MORN1: variants seen among roughly 807,000 people sequenced by gnomAD.
The protein encoded by MORN1 is MORN repeat-containing protein 1.
In MORN1, 67 loss-of-function variants were observed where a neutral mutation model predicts 61.9. The observed-to-expected ratio is 1.08, with a 90% CI of 0.89 to 1.33. The LOEUF (loss-of-function observed/expected upper bound fraction) is 1.33. MORN1 is among the 40% of genes most tolerant of loss of function. The pLI is 0.00. For missense variants in MORN1, 752 were observed against 691.2 expected (o/e 1.09, Z -0.99); for synonymous variants, 301 against 292.0 (o/e 1.03, Z -0.31).
chr1:2,339,046 C>T (rs908649269), intron 10 of MORN1, among the ~76,000 whole-genome samples: 9 of 152,302 alleles, frequency 5.9e-5, no homozygotes, highest in South Asian at 2.1e-4. Flanking sequence ...GTGGGGTCCC[C>T]TGGAGGTGCA....
intron 8 of MORN1, among the ~76,000 whole-genome samples, chr1:2,363,897 A>C (rs545808758): frequency 4.2e-4 from 64 of 151,946 alleles, no homozygotes; most frequent in African/African-American, 1.5e-3. Context: ...ATAGATATAG[A>C]GGGGAAACAA....
At chr1:2,385,246 G>A (rs929631736) in intron 5 of MORN1, 181 bp from the exon 6 acceptor site, 7 of 621,234 alleles carry the variant, frequency 1.1e-5, no homozygotes, top group African/African-American at 1.1e-4. Flanking sequence ...ACGACAGGCG[G>A]TGGGGACACG....
intron 6 of MORN1, among the ~76,000 whole-genome samples, chr1:2,381,632 C>T (rs761332603): frequency 4.6e-5 from 7 of 152,150 alleles, no homozygotes; most frequent in Non-Finnish European, 7.4e-5. Context: ...GTAGGTCACG[C>T]GAAGGGTTTG....
intron 10 of MORN1, among the ~76,000 whole-genome samples, chr1:2,349,985 G>A (rs574034518): frequency 1.3e-4 from 20 of 152,302 alleles, no homozygotes; most frequent in African/African-American, 2.4e-4. Context: ...TGTTTGAGGC[G>A]CTGGGGCCCA....
intron 8 of MORN1, among the ~76,000 whole-genome samples, chr1:2,364,864 T>C (rs1641966682): frequency 6.6e-6 from 1 of 152,132 alleles, no homozygotes; most frequent in African/African-American, 2.4e-5. Flanking sequence ...AAAGATCAGA[T>C]AGTTGTAGAT....
chr1:2,358,284 G>A (rs531512143), intron 9 of MORN1, among the ~76,000 whole-genome samples: 11 of 152,192 alleles, frequency 7.2e-5, no homozygotes, highest in African/African-American at 2.6e-4. Flanking sequence ...AGGAGCACCC[G>A]AGGGCCGGAG....
At position 2,322,040 on chromosome 1, in the gene MORN1, G is replaced by A. The variant is rs905291571; in HGVS notation, c.1298-461C>T. 39 of 985,376 alleles carry A rather than the reference G, an allele frequency of 4.0e-5. No individual in the cohort carries two copies. The East Asian group carries it at 2.5e-3, about 63-fold the overall frequency. The allele number at this position is 985,376 out of a possible 1,614,324, so 61.0% of individuals were successfully genotyped here. A position where few individuals can be genotyped will look rare whatever the true frequency, so the allele number is the denominator to read the frequency against. ...AATAACGAACCCTCTGAAGGCTGGT[G>A]TGTCTGGTTTGCTTTTGAAGCCCCG... On this transcript the variant is annotated intron_variant, in intron 13 of 13. Coordinates refer to ENST00000378531, the MANE Select transcript of MORN1 (RefSeq NM_024848.3).
Position 2,348,735 on chromosome 1 carries a change from A to ACGCACT in MORN1, c.1036+8696_1036+8697insAGTGCG, listed in dbSNP as rs1557876326. Among the ~76,000 whole-genome samples the ACGCACT allele has an allele frequency of 3.5e-4, 7 of 20,272 alleles. 1 individual carries two copies. The highest frequency in any genetic ancestry group is 4.8e-3 in the South Asian group (2 of 414). The allele number at this position is 20,272 out of a possible 152,430, so 13.3% of individuals were successfully genotyped here. A position where few individuals can be genotyped will look rare whatever the true frequency, so the allele number is the denominator to read the frequency against. The stretch of plus-strand genomic sequence containing the variant: ...CACCTGCGCGGGCACGCACACGCAC[A>ACGCACT]CCTGCGCGGGCACGCACACACACGC... On this transcript the variant is annotated intron_variant, in intron 10 of 13. Coordinates refer to ENST00000378531, the MANE Select transcript of MORN1 (RefSeq NM_024848.3).
chr1:2,389,019 G>A (rs1377811049), intron 2 of MORN1, among the ~76,000 whole-genome samples: 2 of 151,460 alleles, frequency 1.3e-5, no homozygotes, highest in East Asian at 1.9e-4. Flanking sequence ...GGCTGAGGCA[G>A]GAGAATCACT....
At chr1:2,355,083 G>A in intron 10 of MORN1, 1 of 884,812 alleles carries the variant, frequency 1.1e-6, no homozygotes, top group South Asian at 4.8e-5. Flanking sequence ...CCGGCGCGGG[G>A]GGCCCGCGCG....
At chr1:2,333,591 C>T (rs1037017809) in intron 12 of MORN1, among the ~76,000 whole-genome samples, 7 of 152,232 alleles carry the variant, frequency 4.6e-5, no homozygotes, top group Non-Finnish European at 7.3e-5. Flanking sequence ...GTGCTAGCGG[C>T]AGGATCCTGG....
intron 12 of MORN1, among the ~76,000 whole-genome samples, chr1:2,324,600 A>G (rs1019495246): frequency 6.6e-6 from 1 of 152,108 alleles, no homozygotes; most frequent in Non-Finnish European, 1.5e-5. Flanking sequence ...CGGCGGTGGT[A>G]TGGTGCCCCC....
chr1:2,344,810 G>A (rs186283786), intron 10 of MORN1, among the ~76,000 whole-genome samples: 1 of 152,358 alleles, frequency 6.6e-6, no homozygotes, highest in Non-Finnish European at 1.5e-5. Context: ...GAGGACCTTG[G>A]GGGCCACCTC....
intron 1 of MORN1, 62 bp from the exon 2 acceptor site, chr1:2,390,058 T>G: frequency 1.3e-6 from 2 of 1,486,396 alleles, no homozygotes; most frequent in Non-Finnish European, 1.9e-6. Flanking sequence ...TGCTCTCCAG[T>G]GCTGAAGGAG....
intron 5 of MORN1, chr1:2,385,296 C>T (rs542704995): frequency 1.0e-4 from 60 of 573,676 alleles, no homozygotes; most frequent in African/African-American, 6.4e-4. Context: ...CTGCTCGGGA[C>T]GCACTCAGCT....
intron 12 of MORN1, among the ~76,000 whole-genome samples, chr1:2,327,699 G>T (rs1038645658): frequency 1.3e-5 from 2 of 152,360 alleles, no homozygotes; most frequent in African/African-American, 4.8e-5. Context: ...ACAGGGGGAG[G>T]GCCACGAGGA....
chr1:2,355,326 G>A (rs1190823589), intron 10 of MORN1: 15 of 1,497,444 alleles, frequency 1.0e-5, no homozygotes, highest in East Asian at 2.5e-5. Context: ...TTGGCCTCCC[G>A]TGGAGTGGCG....
intron 10 of MORN1, among the ~76,000 whole-genome samples, chr1:2,345,707 G>A (rs1193468594): frequency 1.3e-5 from 2 of 152,234 alleles, no homozygotes; most frequent in Admixed American, 1.3e-4. Context: ...CCAGGCTGCG[G>A]TGAGCAGCTC....
At chr1:2,342,571 G>A (rs1457157171) in intron 10 of MORN1, among the ~76,000 whole-genome samples, 1 of 152,152 alleles carries the variant, frequency 6.6e-6, no homozygotes, top group Non-Finnish European at 1.5e-5. Flanking sequence ...GGAACACGCG[G>A]GGGCACACAA....
Sources: allele counts gnomAD v4.1 joint callset (sites outside exome capture counted in the v4.1 genomes callset), GRCh38; gene constraint gnomAD v4.1.1; transcripts MANE v1.5; gene names NCBI Gene and HGNC (gene_info 2026-07-23, HGNC 2026-07-21).